Variants in URI1 observed in about 807,000 individuals in gnomAD.
The protein encoded by URI1 is unconventional prefoldin RPB5 interactor 1.
URI1 carries 39 observed loss-of-function variants against 60.2 expected under a neutral mutation model. That is an observed-to-expected ratio of 0.65 (90% CI 0.50 to 0.85). The LOEUF is 0.85. Ranked by LOEUF, URI1 falls within the 40% of genes least tolerant of loss-of-function variation. The pLI, the probability that URI1 is intolerant of heterozygous loss-of-function variation, is 0.00. For missense variants in URI1, 691 were observed against 665.9 expected, an observed-to-expected ratio of 1.04 and a Z score of -0.42; for synonymous variants, 251 against 236.8, an observed-to-expected ratio of 1.06 and a Z score of -0.55.
At chr19:29,925,690 T>C (rs2054859239) in intron 1 of URI1, 1 of 152,332 alleles carries the variant, frequency 6.6e-6, no homozygotes, top group East Asian at 1.9e-4. Flanking sequence ...TACACAGGGC[T>C]GTGCACTCAG....
At chr19:29,974,693 A>T (rs1483313117) in intron 2 of URI1, among the ~76,000 whole-genome samples, 1 of 152,068 alleles carries the variant, frequency 6.6e-6, no homozygotes, top group East Asian at 1.9e-4. Flanking sequence ...CATCACCCAG[A>T]TAGCATAGTA....
chr19:29,968,116 T>G (rs1568422050), intron 1 of URI1, among the ~76,000 whole-genome samples: 1 of 152,250 alleles, frequency 6.6e-6, no homozygotes, highest in Non-Finnish European at 1.5e-5. Context: ...AGGTACATAC[T>G]TTATTATAAA....
At chr19:29,933,746 C>G (rs970804197) in intron 1 of URI1, among the ~76,000 whole-genome samples, 1 of 151,460 alleles carries the variant, frequency 6.6e-6, no homozygotes, top group Non-Finnish European at 1.5e-5. Context: ...TGCTAGAACC[C>G]GGGAGGCGGA....
At chr19:29,986,216 G>T in intron 3 of URI1, 66 bp from the exon 4 acceptor site, 3 of 1,439,168 alleles carry the variant, frequency 2.1e-6, no homozygotes, top group Non-Finnish European at 2.7e-6. Context: ...AATGCGAAGT[G>T]TTTTATAAAA....
At chr19:29,993,107 C>G (rs1054438452) in intron 4 of URI1, among the ~76,000 whole-genome samples, 3 of 152,060 alleles carry the variant, frequency 2.0e-5, no homozygotes, top group African/African-American at 4.8e-5. Flanking sequence ...AAAATGCATA[C>G]TTAGTCTTCA....
intron 4 of URI1, among the ~76,000 whole-genome samples, chr19:29,988,716 T>TGGCGGTTAG (rs2055704959): frequency 6.6e-6 from 1 of 152,240 alleles, no homozygotes; most frequent in Non-Finnish European, 1.5e-5. Flanking sequence ...TTCCATTTTT[T>TGGCGGTTAG]GGCGGTTAGG....
intron 4 of URI1, among the ~76,000 whole-genome samples, chr19:30,000,260 G>A (rs2055861709): frequency 6.6e-6 from 1 of 151,858 alleles, no homozygotes; most frequent in East Asian, 1.9e-4. Context: ...AAATTTTACT[G>A]CTGGAGTCTT....
Position 30,015,276 on chromosome 19 carries a change from C to CT in URI1, c.*208dup. 7.1e-7 allele frequency: 1 copy of CT among 1,413,628 alleles called. No individual in the cohort carries two copies. Among genetic ancestry groups the CT allele is most frequent in the Non-Finnish European group, 9.2e-7 (1 of 1,089,528 alleles). The allele number at this position is 1,413,628 out of a possible 1,614,324, so 87.6% of individuals were successfully genotyped here. ...AATATCAGCTTGTTTTGTGAATTCT[C>CT]TGAATACTGTCAACACTCTTATCTA... is the stretch of plus-strand genomic sequence containing the variant. On this transcript the variant is annotated 3_prime_UTR_variant, in exon 11 of 11. Coordinates refer to ENST00000392271, the MANE Select transcript of URI1 (RefSeq NM_003796.3).
At chr19:29,975,890 T>C (rs904652458) in intron 2 of URI1, among the ~76,000 whole-genome samples, 1 of 152,204 alleles carries the variant, frequency 6.6e-6, no homozygotes, top group African/African-American at 2.4e-5. Context: ...TGTAAGTGTT[T>C]GTGTATGTAT....
intron 1 of URI1, among the ~76,000 whole-genome samples, chr19:29,947,861 A>G (rs1373224493): frequency 6.6e-6 from 1 of 152,098 alleles, no homozygotes; most frequent in African/African-American, 2.4e-5. Context: ...CTTTCTTACT[A>G]CTTTTCTGAA....
At chr19:29,953,688 T>G (rs1440278956) in intron 1 of URI1, among the ~76,000 whole-genome samples, 1 of 62,332 alleles carries the variant, frequency 1.6e-5, no homozygotes, top group Non-Finnish European at 4.1e-5. Flanking sequence ...CATTTTCTTA[T>G]TAGTTTTTTT....
rs146004337 is a variant in URI1 at position 29,962,710 on chromosome 19, T to C, written c.118-8483T>C. Among the ~76,000 whole-genome samples the C allele has an allele frequency of 2.1e-3, 324 of 152,234 alleles. 1 individual carries two copies. The highest frequency in any genetic ancestry group is 7.5e-3 in the African/African-American group (310 of 41,552). On this transcript the variant is annotated intron_variant, in intron 1 of 10. Transcript: ENST00000392271. Reference sequence around the variant, plus strand: ...TCTTTTTTTTAACCGATCACACTTATTTAATAACAATATCTAGTTTAATAA... The same window carrying C: ...TCTTTTTTTTAACCGATCACACTTACTTAATAACAATATCTAGTTTAATAA...
chr19:29,985,093 C>T (rs1228877214), intron 2 of URI1, 130 bp from the exon 3 acceptor site: 28 of 786,230 alleles, frequency 3.6e-5, no homozygotes, highest in Non-Finnish European at 3.0e-5. Flanking sequence ...GCACTTTAGC[C>T]TGGGCGACGG....
intron 1 of URI1, among the ~76,000 whole-genome samples, chr19:29,934,793 T>A (rs182605249): frequency 1.1e-5 from 1 of 87,458 alleles, no homozygotes; most frequent in Non-Finnish European, 2.1e-5. Flanking sequence ...TGGGCTCAAG[T>A]GATCCACCTG....
intron 7 of URI1, 52 bp from the exon 8 acceptor site, chr19:30,008,953 A>G: frequency 7.4e-7 from 1 of 1,360,450 alleles, no homozygotes; most frequent in Non-Finnish European, 9.9e-7. Context: ...AATTTAAATA[A>G]TGTAAAATTC....
intron 10 of URI1, 62 bp from the exon 11 acceptor site, chr19:30,014,825 G>T: frequency 1.4e-6 from 2 of 1,479,180 alleles, no homozygotes; most frequent in Non-Finnish European, 1.8e-6. Flanking sequence ...ATGAGTGAAT[G>T]GGAAGATTTT....
intron 1 of URI1, among the ~76,000 whole-genome samples, chr19:29,928,786 T>C (rs1397126309): frequency 6.6e-6 from 1 of 152,222 alleles, no homozygotes; most frequent in Non-Finnish European, 1.5e-5. Flanking sequence ...GTTGTTTATC[T>C]GAAATTCAAA....
At chr19:29,948,753 C>T (rs549568573) in intron 1 of URI1, among the ~76,000 whole-genome samples, 3 of 152,360 alleles carry the variant, frequency 2.0e-5, no homozygotes, top group African/African-American at 7.2e-5. Context: ...TCCACACAGA[C>T]AGCAACAATC....
intron 10 of URI1, chr19:30,012,841 C>A: frequency 4.3e-6 from 1 of 232,978 alleles, no homozygotes. Flanking sequence ...AATAAATTAC[C>A]AGTAGGTCAT....
Sources: allele counts gnomAD v4.1 joint callset (sites outside exome capture counted in the v4.1 genomes callset), GRCh38; gene constraint gnomAD v4.1.1; transcripts MANE v1.5; gene names NCBI Gene and HGNC (gene_info 2026-07-23, HGNC 2026-07-21).